Variants in NCAM2 observed in about 807,000 individuals in gnomAD.
The protein encoded by NCAM2 is neural cell adhesion molecule 2, also known as N-CAM-2.
NCAM2 carries 30 observed loss-of-function variants against 98.1 expected under a neutral mutation model. That is an observed-to-expected ratio of 0.31 (90% CI 0.23 to 0.41). The LOEUF (loss-of-function observed/expected upper bound fraction) is 0.41, where lower values mean the gene tolerates loss of function less well. NCAM2 is among the 10% of genes least tolerant of loss of function. The pLI is 1.00. For synonymous variants in NCAM2, 368 were observed against 342.4 expected, an observed-to-expected ratio of 1.07 and a Z score of -0.83; for missense variants, 867 against 1,005.8, an observed-to-expected ratio of 0.86 and a Z score of 1.87.
chr21:21,535,812 T>C (rs980386792), intron 17 of NCAM2, among the ~76,000 whole-genome samples: 76 of 152,234 alleles, frequency 5.0e-4, no homozygotes, highest in African/African-American at 1.8e-3. Flanking sequence ...TTCACAATTA[T>C]AGAAAATTAA....
intron 1 of NCAM2, among the ~76,000 whole-genome samples, chr21:21,084,580 T>A (rs954254446): frequency 1.3e-5 from 2 of 152,206 alleles, no homozygotes; most frequent in African/African-American, 4.8e-5. Flanking sequence ...ATGTATGATG[T>A]TTAAGTTTCT....
chr21:21,071,924 T>TCTATCTATCTACA (rs571694031), intron 1 of NCAM2, among the ~76,000 whole-genome samples: 2 of 144,610 alleles, frequency 1.4e-5, no homozygotes, highest in Admixed American at 6.8e-5. Flanking sequence ...TCTATCTATA[T>TCTATCTATCTACA]TTTTTTGAGA....
intron 10 of NCAM2, among the ~76,000 whole-genome samples, chr21:21,413,175 T>C (rs2076921651): frequency 6.6e-6 from 1 of 152,118 alleles, no homozygotes; most frequent in Admixed American, 6.6e-5. Context: ...CCTGAGGAAA[T>C]TACAAAACTT....
chr21:21,223,972 A>G (rs1037602608), intron 1 of NCAM2, among the ~76,000 whole-genome samples: 1 of 152,170 alleles, frequency 6.6e-6, no homozygotes, highest in Non-Finnish European at 1.5e-5. Context: ...GAAAGCAATC[A>G]CGGAACACAG....
chr21:21,237,441 T>G (rs1251237141), intron 1 of NCAM2, among the ~76,000 whole-genome samples: 2 of 152,148 alleles, frequency 1.3e-5, no homozygotes, highest in Non-Finnish European at 2.9e-5. Context: ...GAGTACTATT[T>G]TCTCTTTCTG....
At chr21:21,332,094 C>T (rs571510746) in intron 6 of NCAM2, among the ~76,000 whole-genome samples, 43 of 151,348 alleles carry the variant, frequency 2.8e-4, no homozygotes, top group African/African-American at 9.7e-4. Flanking sequence ...TTGTAGAAAC[C>T]GGGTTTCACC....
At chr21:21,443,248 G>A (rs1979579422) in intron 12 of NCAM2, among the ~76,000 whole-genome samples, 1 of 152,090 alleles carries the variant, frequency 6.6e-6, no homozygotes. Flanking sequence ...GACAGAGGGA[G>A]GGGAACATCA....
At chr21:21,277,169 A>G (rs1323853296) in intron 1 of NCAM2, among the ~76,000 whole-genome samples, 2 of 152,102 alleles carry the variant, frequency 1.3e-5, no homozygotes, top group African/African-American at 2.4e-5. Context: ...CCAAAATTAT[A>G]TGTTGTCAAT....
intron 1 of NCAM2, among the ~76,000 whole-genome samples, chr21:21,265,268 CAT>C (rs757110478): frequency 4.7e-4 from 59 of 125,446 alleles, no homozygotes; most frequent in South Asian, 9.8e-4. Context: ...TATATACACA[CAT>C]ATATGTACAC....
chr21:21,265,794 C>G (rs2147391081), intron 1 of NCAM2, among the ~76,000 whole-genome samples: 1 of 152,150 alleles, frequency 6.6e-6, no homozygotes, highest in Non-Finnish European at 1.5e-5. Context: ...TAATGACCTA[C>G]TGAGTACTAC....
chr21:21,100,680 C>A (rs1285273556), intron 1 of NCAM2, among the ~76,000 whole-genome samples: 1 of 152,030 alleles, frequency 6.6e-6, no homozygotes, highest in Non-Finnish European at 1.5e-5. Flanking sequence ...CTGAATATGG[C>A]TTGTGGGTGT....
At chr21:21,341,265 TG>T (rs1255939864) in intron 8 of NCAM2, among the ~76,000 whole-genome samples, 3 of 152,046 alleles carry the variant, frequency 2.0e-5, no homozygotes, top group African/African-American at 7.2e-5. Context: ...AAGAATCACG[TG>T]GGAAGACTAT....
At chr21:21,493,581 C>T (rs1036992690) in intron 15 of NCAM2, among the ~76,000 whole-genome samples, 2 of 151,828 alleles carry the variant, frequency 1.3e-5, no homozygotes, top group Non-Finnish European at 2.9e-5. Flanking sequence ...GTTTACATTA[C>T]GGTGCATACT....
At chr21:21,431,046 C>CAAAAA (rs34613152) in intron 11 of NCAM2, among the ~76,000 whole-genome samples, 1 of 64,060 alleles carries the variant, frequency 1.6e-5, no homozygotes, top group East Asian at 4.9e-4. Flanking sequence ...AACTCCGTCT[C>CAAAAA]AAAAAAAAAA....
chr21:21,445,342 A>G (rs1430661365), intron 12 of NCAM2, among the ~76,000 whole-genome samples: 1 of 152,152 alleles, frequency 6.6e-6, no homozygotes, highest in African/African-American at 2.4e-5. Context: ...GTAGATATCT[A>G]TTAGTTTCAC....
intron 15 of NCAM2, among the ~76,000 whole-genome samples, chr21:21,479,150 C>T (rs1985529466): frequency 7.5e-6 from 1 of 133,438 alleles, no homozygotes; most frequent in African/African-American, 2.6e-5. Flanking sequence ...TAACTTAATC[C>T]GTTTAATTTA....
chr21:21,324,513 C>T lies in NCAM2; in HGVS notation c.737+13C>T. ...TCTCCTGGTTCAGGTAGGTTATGCA[C>T]CCCCCTCCCTCTGGCTTGTGTCCAT... On this transcript the variant is annotated intron_variant, in intron 6 of 17. Coordinates refer to ENST00000400546, the MANE Select transcript of NCAM2 (RefSeq NM_004540.5). The T allele has an allele frequency of 6.5e-7, 1 of 1,545,468 alleles. No homozygotes were observed. Among genetic ancestry groups the T allele is most frequent in the South Asian group, 1.1e-5 (1 of 89,324 alleles).
intron 1 of NCAM2, among the ~76,000 whole-genome samples, chr21:21,136,383 A>G (rs1021351566): frequency 2.0e-5 from 3 of 152,176 alleles, no homozygotes; most frequent in African/African-American, 7.2e-5. Context: ...ACAAATGATA[A>G]CAGCATTGAA....
chr21:21,407,004 AACC>A (rs1359182964), intron 9 of NCAM2, among the ~76,000 whole-genome samples: 1 of 152,152 alleles, frequency 6.6e-6, no homozygotes, highest in African/African-American at 2.4e-5. Flanking sequence ...GTGTTTCTCT[AACC>A]ACCAGTGTTT....
Sources: gnomAD v4.1 joint callset for allele counts (sites outside exome capture counted in the v4.1 genomes callset) on GRCh38, gnomAD v4.1.1 for gene constraint, MANE v1.5 for transcripts, NCBI Gene and HGNC (gene_info 2026-07-23, HGNC 2026-07-21) for gene names.